Variants in SHANK1 observed in about 807,000 individuals in gnomAD.
The protein encoded by SHANK1 is SH3 and multiple ankyrin repeat domains 1, also known as SH3 and multiple ankyrin repeat domains protein 1.
In SHANK1, 35 loss-of-function variants were observed where a neutral mutation model predicts 165.6. That is an observed-to-expected ratio of 0.21 (90% CI 0.16 to 0.28). The LOEUF is 0.28. Ranked by LOEUF, SHANK1 falls within the 10% of genes least tolerant of loss-of-function variation. SHANK1 has a pLI of 1.00. For synonymous variants in SHANK1, 1,428 were observed against 1,384.8 expected (o/e 1.03, Z -0.69); for missense variants, 2,681 against 3,036.4 (o/e 0.88, Z 2.75).
At chr19:50,706,182 G>T (rs182407109) in intron 8 of SHANK1, among the ~76,000 whole-genome samples, 205 of 138,070 alleles carry the variant, frequency 1.5e-3, no homozygotes, top group African/African-American at 5.1e-3. Flanking sequence ...GGTTGGGGGG[G>T]CTCAAGGTCA....
intron 12 of SHANK1, among the ~76,000 whole-genome samples, 166 bp from the exon 13 acceptor site, chr19:50,698,122 A>G (rs895728766): frequency 2.6e-5 from 4 of 152,206 alleles, no homozygotes; most frequent in African/African-American, 9.7e-5. Context: ...GACCCATATC[A>G]TATCACTCTT....
Position 50,696,957 on chromosome 19 carries a change from G to A in SHANK1, c.1964+139C>T, listed in dbSNP as rs556110915. 146 of 739,972 alleles carry A rather than the reference G, an allele frequency of 2.0e-4. 1 individual carries two copies. Among genetic ancestry groups the A allele is most frequent in the Middle Eastern group, 1.4e-3 (6 of 4,228 alleles). 45.8% of individuals were successfully genotyped at this position (739,972 alleles called of 1,614,324 possible). A position where few individuals can be genotyped will look rare whatever the true frequency, so the allele number is the denominator to read the frequency against. On this transcript the variant is annotated intron_variant, in intron 15 of 23. Transcript: ENST00000293441. Reference sequence around the variant, plus strand: ...CCAGGCCACACATGCACACAGATGCGTGTCATGCACACCTACAGAGACACA... The same window carrying A: ...CCAGGCCACACATGCACACAGATGCATGTCATGCACACCTACAGAGACACA...
At position 50,717,585 on chromosome 19, in the gene SHANK1, A is replaced by G. The variant is rs2089084588; in HGVS notation, c.-43-623T>C. Among the ~76,000 whole-genome samples the G allele has an allele frequency of 2.0e-5, 3 of 152,078 alleles. No individual in the cohort carries two copies. Among genetic ancestry groups the G allele is most frequent in the Admixed American group, 2.0e-4 (3 of 15,280 alleles). ...TCCCAGGGGAGCAAGGGGCACTGAG[A>G]TGGGGGTGTCATGGGCAGAGCATTT... On this transcript the variant is annotated intron_variant, in intron 1 of 23. Transcript: ENST00000293441. This position sits in a 1 kb window ranked among gnomAD's most constrained non-coding sequence, Gnocchi z 5.5.
chr19:50,703,815 G>A lies in SHANK1; in HGVS notation c.1238C>T (p.Ser413Phe), dbSNP rs1431978408. The change falls in exon 11 of 24, where the codon TCC (serine) becomes TTC (phenylalanine). Residue 413 changes from serine to phenylalanine, a missense_variant. Transcript: ENST00000293441. The stretch of plus-strand genomic sequence containing the variant: ...CCGTCGCCGGGCCGCGTACTTGGGG[G>A]ACTCCTGGAAGGGCACTGAGAGGGC... ...REQDVVPFQE[S>F]PKYAARRRGP... 2.8e-6 allele frequency: 4 copies of A among 1,429,744 alleles called. No individual in the cohort carries two copies. Among genetic ancestry groups the A allele is most frequent in the Non-Finnish European group, 3.6e-6 (4 of 1,096,368 alleles). 88.6% of individuals were successfully genotyped at this position (1,429,744 alleles called of 1,614,324 possible).
At chr19:50,706,704 AGGTCTTCTCT>A (rs1263541517) in intron 8 of SHANK1, among the ~76,000 whole-genome samples, 2 of 151,398 alleles carry the variant, frequency 1.3e-5, no homozygotes, top group Non-Finnish European at 2.9e-5. Flanking sequence ...CTCTTCAGAG[AGGTCTTCTCT>A]GGCCATCCTG....
At position 50,703,754 on chromosome 19, in the gene SHANK1, C is replaced by T. The variant is rs1406122942; in HGVS notation, c.1299G>A (p.Ala433=). ...TGGTGTCACTGTTGGCCCGCAGCAG[C>T]GCCGGGGGCACCGTCAGCCCTGTGC... The part of the protein sequence containing the change: ...PPGTGLTVPP[A]LLRANSDTSM... Residue 433 remains alanine, a synonymous_variant, in exon 11 of 24, where the codon GCG becomes GCA. Coordinates refer to ENST00000293441, the MANE Select transcript of SHANK1 (RefSeq NM_016148.5). The T allele has an allele frequency of 1.5e-5, 21 of 1,433,848 alleles. No individual in the cohort carries two copies. Among genetic ancestry groups the T allele is most frequent in the Middle Eastern group, 4.7e-4 (2 of 4,280 alleles). The allele number at this position is 1,433,848 out of a possible 1,614,324, so 88.8% of individuals were successfully genotyped here.
intron 15 of SHANK1, among the ~76,000 whole-genome samples, chr19:50,693,398 G>T (rs1335371693): frequency 4.5e-5 from 6 of 134,816 alleles, no homozygotes; most frequent in African/African-American, 1.7e-4. Flanking sequence ...CATCTTGGCT[G>T]CCCCTGCAGC....
chr19:50,700,128 AGGGTTGGAAGGCTC>A (rs1217617882), intron 12 of SHANK1, among the ~76,000 whole-genome samples: 4 of 125,696 alleles, frequency 3.2e-5, no homozygotes, highest in African/African-American at 9.4e-5. Flanking sequence ...GGGGCATTGG[AGGGTTGGAAGGCTC>A]GGGTTGGAAG....
At chr19:50,687,097 A>C in intron 19 of SHANK1, 1 of 1,285,682 alleles carries the variant, frequency 7.8e-7, no homozygotes, top group Non-Finnish European at 1.0e-6. Context: ...GGGGAAGGTG[A>C]GGGGCCCCCT....
At position 50,668,207 on chromosome 19, in the gene SHANK1, G is replaced by A. The variant is rs760018514; in HGVS notation, c.3753C>T (p.Arg1251=). ...RREGGWQNEA[R]RRSTLFLSTD... is the part of the protein sequence containing the mutation. ...TGGACAGGAACAGCGTGGAGCGCCG[G>A]CGCGCCTCATTCTGCCAGCCCCCCT... The change falls in exon 23 of 24, where the codon CGC becomes CGT. Residue 1251 remains arginine (R), a synonymous_variant. Transcript: ENST00000293441. The A allele has an allele frequency of 6.7e-7, 1 of 1,496,206 alleles. No individual in the cohort carries two copies. The highest frequency in any genetic ancestry group is 2.8e-5 in the East Asian group (1 of 35,858). The allele number at this position is 1,496,206 out of a possible 1,614,324, so 92.7% of individuals were successfully genotyped here. A position where few individuals can be genotyped will look rare whatever the true frequency, so the allele number is the denominator to read the frequency against.
chr19:50,662,304 G>A lies in SHANK1; in HGVS notation c.6147C>T (p.Pro2049=), dbSNP rs200765609. ...PTGGAGGSAD[P]FAPVFVPPHP... Reference sequence around the variant, plus strand: ...GTGGCGGCACAAAGACTGGGGCGAAGGGGTCAGCCGAGCCTCCTGCCCCTC... The same window carrying A: ...GTGGCGGCACAAAGACTGGGGCGAAAGGGTCAGCCGAGCCTCCTGCCCCTC... Residue 2049 remains proline, a synonymous_variant, in exon 24 of 24, where the codon CCC becomes CCT. Coordinates refer to ENST00000293441, the MANE Select transcript of SHANK1 (RefSeq NM_016148.5). This position sits in a 1 kb window ranked among gnomAD's most constrained non-coding sequence, Gnocchi z 7.7. 1.2e-4 allele frequency: 199 copies of A among 1,610,492 alleles called. 3 individuals carry two copies. In the East Asian group the frequency reaches 4.4e-3, roughly 36 times the overall value.
At chr19:50,671,666 G>T (rs1402002741) in intron 22 of SHANK1, among the ~76,000 whole-genome samples, 2 of 152,012 alleles carry the variant, frequency 1.3e-5, no homozygotes, top group Non-Finnish European at 2.9e-5. Context: ...CTGGCATGTG[G>T]GGAGCGCTTG....
rs1463551965 is a variant in SHANK1 at position 50,661,654 on chromosome 19, G to A, written c.*311C>T. Among the ~76,000 whole-genome samples, 1 of 152,070 alleles carries A rather than the reference G, an allele frequency of 6.6e-6. No homozygotes were observed. The highest frequency in any genetic ancestry group is 2.4e-5 in the African/African-American group (1 of 41,376). On this transcript the variant is annotated 3_prime_UTR_variant, in exon 24 of 24. Coordinates refer to ENST00000293441, the MANE Select transcript of SHANK1 (RefSeq NM_016148.5). ...CTCAGGGCTGACCCTCTATGGCTCT[G>A]TCTATCCCCTCCCCCCAGAATAGGC... is the stretch of plus-strand genomic sequence containing the variant.
rs150688943 is a variant in SHANK1 at position 50,708,991 on chromosome 19, C to T, written c.1077+2380G>A. ...TGAGGAAAAACTGTCAGACTCAGCCCTGGCTCTTGGAAAGCTTAAAGCCTG... is the reference window on the plus strand; with the variant it reads ...TGAGGAAAAACTGTCAGACTCAGCCTTGGCTCTTGGAAAGCTTAAAGCCTG... On this transcript the variant is annotated intron_variant, in intron 8 of 23. Transcript: ENST00000293441. Among the ~76,000 whole-genome samples the T allele has an allele frequency of 2.9e-3, 444 of 152,304 alleles. 6 individuals carry two copies. Among genetic ancestry groups the T allele is most frequent in the African/African-American group, 0.01 (418 of 41,568 alleles).
chr19:50,671,994 C>T (rs374219369), intron 22 of SHANK1, 24 bp downstream of exon 22: 5 of 1,575,678 alleles, frequency 3.2e-6, no homozygotes, highest in Non-Finnish European at 4.4e-6. Flanking sequence ...CCAGCCCCCA[C>T]ATCTCTTCTT....
chr19:50,687,134 C>T, intron 19 of SHANK1: 3 of 777,404 alleles, frequency 3.9e-6, no homozygotes, highest in Non-Finnish European at 3.8e-6. Context: ...CCCTCGGGGC[C>T]CCGGGGTGGG....
At chr19:50,681,888 C>T (rs958339276) in intron 21 of SHANK1, among the ~76,000 whole-genome samples, 6 of 152,124 alleles carry the variant, frequency 3.9e-5, no homozygotes, top group Non-Finnish European at 7.4e-5. Context: ...CCTCCCACCT[C>T]GGCACACACC....
intron 23 of SHANK1, among the ~76,000 whole-genome samples, chr19:50,664,950 G>T (rs10418083): frequency 0.03 from 4,593 of 151,876 alleles, 229 homozygotes; most frequent in African/African-American, 0.1. Context: ...GTAGAGATGG[G>T]GTTTCACCGT....
rs780542975 is a variant in SHANK1, at chr19:50,702,434, G to A, written c.1747+33C>T. On this transcript the variant is annotated intron_variant, in intron 12 of 23. Coordinates refer to ENST00000293441, the MANE Select transcript of SHANK1 (RefSeq NM_016148.5). The surrounding 1 kb of genome is among the most constrained non-coding windows in gnomAD (Gnocchi z 5.3). ...TTTCCCTGATCGCCCCCACAGCCCA[G>A]CCCAGCCCAGGCCCTGCTTCCACCC... 1 of 1,579,082 alleles carries A rather than the reference G, an allele frequency of 6.3e-7. No individual in the cohort carries two copies. Among genetic ancestry groups the A allele is most frequent in the South Asian group, 1.2e-5 (1 of 86,740 alleles).
Sources: allele counts gnomAD v4.1 joint callset (sites outside exome capture counted in the v4.1 genomes callset), GRCh38; gene constraint gnomAD v4.1.1; non-coding constraint Gnocchi (gnomAD v3.1); transcripts MANE v1.5; gene names NCBI Gene and HGNC (gene_info 2026-07-23, HGNC 2026-07-21).